PSD2: variants seen among roughly 807,000 people sequenced by gnomAD.
PSD2 encodes the protein pleckstrin and Sec7 domain containing 2.
A neutral mutation model predicts 69.8 loss-of-function variants in PSD2; 38 were observed. That is an observed-to-expected ratio of 0.54 (90% CI 0.42 to 0.71). The LOEUF (loss-of-function observed/expected upper bound fraction) is 0.71, where lower values mean the gene tolerates loss of function less well. Ranked by LOEUF, PSD2 falls within the 30% of genes least tolerant of loss-of-function variation. PSD2 has a pLI of 0.00. For missense variants in PSD2, 943 were observed against 1,014.5 expected, an observed-to-expected ratio of 0.93 and a Z score of 0.96; for synonymous variants, 412 against 423.0, an observed-to-expected ratio of 0.97 and a Z score of 0.32.
intron 7 of PSD2, among the ~76,000 whole-genome samples, chr5:139,827,507 G>A (rs1377929004): frequency 1.3e-5 from 2 of 152,196 alleles, no homozygotes; most frequent in East Asian, 3.8e-4. Flanking sequence ...GCAGGGAAGT[G>A]GTTACTGATG....
Position 139,836,861 on chromosome 5 carries a change from T to G in PSD2, c.1454T>G (p.Phe485Cys). The G allele has an allele frequency of 6.2e-7, 1 of 1,614,130 alleles. No individual in the cohort carries two copies. Among genetic ancestry groups the G allele is most frequent in the South Asian group, 1.1e-5 (1 of 91,078 alleles). The change falls in exon 10 of 15, where the codon TTC (phenylalanine) becomes TGC (cysteine). Residue 485 changes from phenylalanine (F) to cysteine (C), a missense_variant. Physicochemically the swap from Phe to Cys is radical, Grantham distance 205 (BLOSUM62 -2). Around this residue, in one of 3 missense-constraint regions of PSD2, gnomAD observed 312 missense variants for 400.7 expected, o/e 0.78. Transcript: ENST00000274710. ...KSLSELVDDK[F>C]GTGTKKVTRI... Reference sequence around the variant, plus strand: ...CTGTCTGAGCTGGTGGATGACAAGTTCGGGACAGGCACGAAGAAGGTGACG... The same window carrying G: ...CTGTCTGAGCTGGTGGATGACAAGTGCGGGACAGGCACGAAGAAGGTGACG...
intron 2 of PSD2, among the ~76,000 whole-genome samples, chr5:139,810,844 G>C (rs534590461): frequency 3.9e-5 from 6 of 152,234 alleles, no homozygotes; most frequent in African/African-American, 1.4e-4. Context: ...TATTGAGGTG[G>C]CATCTTTACT....
the PSD2 span, among the ~76,000 whole-genome samples, chr5:139,747,672 C>G: frequency 6.6e-6 from 1 of 152,236 alleles, no homozygotes; most frequent in Non-Finnish European, 1.5e-5. This position sits in a 1 kb window ranked among gnomAD's most constrained non-coding sequence, Gnocchi z 6.7. Context: ...GTGAGAATCC[C>G]GCCCATCTGT....
Position 139,839,902 on chromosome 5 carries a change from C to T in PSD2, c.1969-125C>T, listed in dbSNP as rs908679562. The T allele has an allele frequency of 3.8e-6, 4 of 1,040,190 alleles. No individual in the cohort carries two copies. The African/African-American group carries it at 6.3e-5, about 16-fold the overall frequency. 64.4% of individuals were successfully genotyped at this position (1,040,190 alleles called of 1,614,324 possible). Reference sequence around the variant, plus strand: ...GGTCCAGAGTCTGGCTCTGTCCCCACATTTTGGTGATGCTGGCTAGGCCTT... The same window carrying T: ...GGTCCAGAGTCTGGCTCTGTCCCCATATTTTGGTGATGCTGGCTAGGCCTT... On this transcript the variant is annotated intron_variant, in intron 13 of 14. Transcript: ENST00000274710. The surrounding 1 kb of genome is among the most constrained non-coding windows in gnomAD (Gnocchi z 5.1).
At chr5:139,811,055 A>G (rs1245731935) in intron 2 of PSD2, among the ~76,000 whole-genome samples, 1 of 152,116 alleles carries the variant, frequency 6.6e-6, no homozygotes, top group Non-Finnish European at 1.5e-5. Context: ...TGCCCAGCAC[A>G]GGCCTGGCAG....
At chr5:139,746,969 G>T in the PSD2 span, among the ~76,000 whole-genome samples, 2 of 152,166 alleles carry the variant, frequency 1.3e-5, no homozygotes, top group African/African-American at 4.8e-5. The surrounding 1 kb of genome is among the most constrained non-coding windows in gnomAD (Gnocchi z 4.5). Flanking sequence ...GCTCGAGGCA[G>T]CCTGCATTTC....
chr5:139,771,893 C>T, the PSD2 span, among the ~76,000 whole-genome samples: 1,241 of 152,326 alleles, frequency 8.1e-3, 9 homozygotes, highest in Non-Finnish European at 0.014. Context: ...GGACCACGGT[C>T]CAACCCCTTC....
chr5:139,810,559 G>C (rs1759931644), intron 2 of PSD2, among the ~76,000 whole-genome samples: 1 of 152,242 alleles, frequency 6.6e-6, no homozygotes, highest in Admixed American at 6.5e-5. Flanking sequence ...ACACACGGAT[G>C]TGTGAACGTG....
intron 7 of PSD2, among the ~76,000 whole-genome samples, chr5:139,831,893 C>A (rs1293663835): frequency 2.0e-5 from 3 of 152,100 alleles, no homozygotes; most frequent in African/African-American, 7.2e-5. Context: ...GGGTGTTTCC[C>A]AGGACCCTTG....
At chr5:139,758,154 A>G in the PSD2 span, among the ~76,000 whole-genome samples, 1 of 152,152 alleles carries the variant, frequency 6.6e-6, no homozygotes, top group Non-Finnish European at 1.5e-5. Flanking sequence ...AGATAGATGT[A>G]GGGGTGCCTT....
chr5:139,792,877 TCCTTC>T (rs1275785705), upstream of PSD2, among the ~76,000 whole-genome samples: 1 of 143,822 alleles, frequency 7.0e-6, no homozygotes, highest in African/African-American at 2.6e-5. Context: ...CTTCCTTCCT[TCCTTC>T]CTTCCTTCCT....
At chr5:139,802,913 G>T (rs1425945433) in intron 1 of PSD2, among the ~76,000 whole-genome samples, 1 of 152,190 alleles carries the variant, frequency 6.6e-6, no homozygotes, top group Non-Finnish European at 1.5e-5. Flanking sequence ...ATGCAAATGT[G>T]CATGCAGCCC....
chr5:139,770,572 A>C, the PSD2 span, among the ~76,000 whole-genome samples: 1 of 152,152 alleles, frequency 6.6e-6, no homozygotes, highest in Non-Finnish European at 1.5e-5. Flanking sequence ...TGTCAAAAAA[A>C]CAAACAAACA....
chr5:139,773,408 C>T, the PSD2 span, among the ~76,000 whole-genome samples: 2 of 152,074 alleles, frequency 1.3e-5, no homozygotes, highest in African/African-American at 4.8e-5. Context: ...ACTACAGGCA[C>T]ACACCACCAC....
chr5:139,830,590 C>CTT (rs1408487656), intron 7 of PSD2, among the ~76,000 whole-genome samples: 1 of 98,806 alleles, frequency 1.0e-5, no homozygotes, highest in Non-Finnish European at 2.0e-5. Context: ...TTCTTTCTTT[C>CTT]TTTTTCTTTC....
In PSD2 at chr5:139,814,390, A is replaced by C; in HGVS notation, c.1016+26A>C. On this transcript the variant is annotated intron_variant, in intron 4 of 14. Transcript: ENST00000274710. This position sits in a 1 kb window ranked among gnomAD's most constrained non-coding sequence, Gnocchi z 4.4. The stretch of plus-strand genomic sequence containing the variant: ...GTGAGTGTGAGCTCCCCTGCCCCCA[A>C]CCCTGGGCAAACCTCGTGTCTTCCT... 6.4e-7 allele frequency: 1 copy of C among 1,557,074 alleles called. No individual in the cohort carries two copies. The highest frequency in any genetic ancestry group is 2.3e-5 in the East Asian group (1 of 42,756).
chr5:139,772,350 C>T, the PSD2 span, among the ~76,000 whole-genome samples: 7 of 152,116 alleles, frequency 4.6e-5, no homozygotes, highest in Admixed American at 2.0e-4. Flanking sequence ...GAGCATTCTC[C>T]GAGCCGATCT....
chr5:139,749,575 G>A, the PSD2 span, among the ~76,000 whole-genome samples: 1 of 152,338 alleles, frequency 6.6e-6, no homozygotes, highest in East Asian at 1.9e-4. Flanking sequence ...CGTACCAAGA[G>A]TGAAGCTTGG....
chr5:139,825,253 G>C (rs1257645694), intron 7 of PSD2, among the ~76,000 whole-genome samples: 1 of 152,230 alleles, frequency 6.6e-6, no homozygotes, highest in East Asian at 1.9e-4. Context: ...ACCTGGATCA[G>C]CGGGAGCCGG....
Sources: gnomAD v4.1 joint callset for allele counts (sites outside exome capture counted in the v4.1 genomes callset) on GRCh38, gnomAD v4.1.1 for gene constraint, gnomAD v4.1.1 regional missense constraint, Gnocchi (gnomAD v3.1) non-coding constraint, MANE v1.5 for transcripts, NCBI Gene and HGNC (gene_info 2026-07-23, HGNC 2026-07-21) for gene names.